The following COL3A1 variants were observed in gnomAD, a reference collection of about 807,000 sequenced individuals.
COL3A1 encodes collagen alpha-1(III) chain.
In COL3A1, 46 loss-of-function variants were observed where a neutral mutation model predicts 200.9. The ratio of observed to expected loss-of-function variants is 0.23; its 90% confidence interval spans 0.18 to 0.29. The LOEUF is 0.29. Among genes scored for constraint, COL3A1 ranks in the 10% least tolerant of loss-of-function variants. The pLI is 1.00. For missense variants in COL3A1, 1,367 were observed against 1,917.6 expected (o/e 0.71, Z 5.36); for synonymous variants, 650 against 628.0 (o/e 1.03, Z -0.52).
intron 10 of COL3A1, 138 bp downstream of exon 10, chr2:188,990,498 G>A (rs1688164744): frequency 1.2e-6 from 1 of 819,108 alleles, no homozygotes; most frequent in Admixed American, 2.2e-5. Flanking sequence ...AGTCTACTAA[G>A]TTTGTTTGTT....
intron 8 of COL3A1, among the ~76,000 whole-genome samples, chr2:188,989,778 G>T (rs1688147311): frequency 6.6e-6 from 1 of 152,196 alleles, no homozygotes; most frequent in African/African-American, 2.4e-5. Flanking sequence ...ACTATTTAAT[G>T]AACTTGAGAA....
chr2:189,008,931 C>T lies in COL3A1; in HGVS notation c.3533C>T (p.Pro1178Leu). The T allele has an allele frequency of 6.2e-7, 1 of 1,613,876 alleles. No individual in the cohort carries two copies. The highest frequency in any genetic ancestry group is 1.7e-5 in the Admixed American group (1 of 60,020). Residue 1178 changes from proline to leucine, a missense_variant, in exon 48 of 51, where the codon CCA becomes CTA. By Grantham distance (98) the Pro-to-Leu change is moderately conservative. Transcript: ENST00000304636. ...ATGTTTTACTCATTCTAGGGCTCCC[C>T]AGGCCACCCAGGGCAACCAGGCCCT... ...NRGERGSEGS[P>L]GHPGQPGPPG...
chr2:188,980,047 T>C (rs1249929026), intron 1 of COL3A1, among the ~76,000 whole-genome samples: 1 of 151,694 alleles, frequency 6.6e-6, no homozygotes, highest in African/African-American at 2.4e-5. Context: ...CTAGTTTTAC[T>C]AACGCTGGCA....
At chr2:189,008,858 G>A in intron 47 of COL3A1, 66 bp from the exon 48 acceptor site, 1 of 1,485,598 alleles carries the variant, frequency 6.7e-7, no homozygotes, top group Non-Finnish European at 9.4e-7. Flanking sequence ...TCTTGGACTA[G>A]CAATGTATTC....
chr2:188,995,534 C>T, intron 21 of COL3A1, 158 bp from the exon 22 acceptor site: 1 of 607,630 alleles, frequency 1.6e-6, no homozygotes, highest in South Asian at 2.2e-5. Context: ...ATATGGCAAT[C>T]CAAGCTAAGA....
chr2:188,994,356 G>C lies in COL3A1; in HGVS notation c.1293+24G>C. 6.2e-7 allele frequency: 1 copy of C among 1,612,584 alleles called. No homozygotes were observed. Among genetic ancestry groups the C allele is most frequent in the Non-Finnish European group, 8.5e-7 (1 of 1,179,202 alleles). On this transcript the variant is annotated intron_variant, in intron 18 of 50. Transcript: ENST00000304636. This position sits in a 1 kb window ranked among gnomAD's most constrained non-coding sequence, Gnocchi z 4.5. ...CAGTAAGTTGCCTTGTTTTTTCTCT[G>C]TTGACTGAAAGGTATAGTTTAATTC...
intron 37 of COL3A1, 127 bp from the exon 38 acceptor site, chr2:189,003,607 A>G (rs1174263314): frequency 2.0e-5 from 27 of 1,347,528 alleles, no homozygotes; most frequent in Non-Finnish European, 2.6e-5. Flanking sequence ...TGTAAATTCC[A>G]AGGGGAAACA....
In COL3A1 at chr2:188,992,769, A is replaced by G. The variant is rs1458483102; in HGVS notation, c.997-118A>G. The stretch of plus-strand genomic sequence containing the variant: ...TCTACATAATATCCATAAAATATGA[A>G]TATCATTTTTATCTGCATAAATATC... On this transcript the variant is annotated intron_variant, in intron 14 of 50. Transcript: ENST00000304636. The G allele has an allele frequency of 4.8e-6, 4 of 831,156 alleles. No individual in the cohort carries two copies. The African/African-American group carries it at 6.8e-5, about 14-fold the overall frequency. 51.5% of individuals were successfully genotyped at this position (831,156 alleles called of 1,614,324 possible).
intron 5 of COL3A1, among the ~76,000 whole-genome samples, chr2:188,987,512 TTTTCTAG>T (rs927317509): frequency 4.6e-5 from 7 of 152,066 alleles, no homozygotes; most frequent in African/African-American, 1.7e-4. Context: ...TTGCTGAAGG[TTTTCTAG>T]TTTAATCTGT....
chr2:188,993,950 G>A (rs1446756936), intron 16 of COL3A1, 88 bp from the exon 17 acceptor site: 19 of 1,242,036 alleles, frequency 1.5e-5, no homozygotes, highest in Admixed American at 3.7e-5. Flanking sequence ...AACACTCATC[G>A]ATACATTTAT....
In COL3A1 at chr2:189,003,131, C is replaced by T. The variant is rs538587897; in HGVS notation, c.2553+69C>T. On this transcript the variant is annotated intron_variant, in intron 36 of 50. Coordinates refer to ENST00000304636, the MANE Select transcript of COL3A1 (RefSeq NM_000090.4). ...CTATCTATTGATTATCTGTCTATCT[C>T]TCCCTCTCTCTCTCCCTCTCCCCCC... The T allele has an allele frequency of 4.7e-5, 58 of 1,226,066 alleles. No homozygotes were observed. In the South Asian group the frequency reaches 6.3e-4, roughly 13 times the overall value. The allele number at this position is 1,226,066 out of a possible 1,614,324, so 75.9% of individuals were successfully genotyped here. A position where few individuals can be genotyped will look rare whatever the true frequency, so the allele number is the denominator to read the frequency against.
At chr2:188,984,622 A>C in intron 1 of COL3A1, 138 bp from the exon 2 acceptor site, 3 of 749,314 alleles carry the variant, frequency 4.0e-6, no homozygotes, top group Non-Finnish European at 6.9e-6. Context: ...GGGCAAGTAT[A>C]ATTTTCTAAT....
chr2:188,993,613 T>C (rs540406843), intron 16 of COL3A1, among the ~76,000 whole-genome samples, 154 bp downstream of exon 16: 91 of 152,310 alleles, frequency 6.0e-4, no homozygotes, highest in Middle Eastern at 3.4e-3. Flanking sequence ...AAAATGATCC[T>C]CCTGTGACAC....
intron 24 of COL3A1, 78 bp downstream of exon 24, chr2:188,996,574 CA>C: frequency 8.4e-7 from 1 of 1,191,812 alleles, no homozygotes; most frequent in Non-Finnish European, 1.2e-6. Context: ...AAGAAATGGT[CA>C]AAACTCAGTC....
rs397509370 is a variant in COL3A1 at position 188,994,595 on chromosome 2, G to T, written c.1347+1G>T. 6.2e-7 allele frequency: 1 copy of T among 1,614,028 alleles called. No individual in the cohort carries two copies. Among genetic ancestry groups the T allele is most frequent in the Non-Finnish European group, 8.5e-7 (1 of 1,179,996 alleles). ...AGAGCCCGGACCACGTGGTGAACGC[G>T]TAAGTTTTACTGCAACAGATCTGGT... On this transcript the variant is annotated splice_donor_variant, in intron 19 of 50. Coordinates refer to ENST00000304636, the MANE Select transcript of COL3A1 (RefSeq NM_000090.4). LOFTEE classifies it high-confidence loss of function. This position sits in a 1 kb window ranked among gnomAD's most constrained non-coding sequence, Gnocchi z 4.5.
intron 43 of COL3A1, 30 bp from the exon 44 acceptor site, chr2:189,006,907 T>C: frequency 6.2e-7 from 1 of 1,612,068 alleles, no homozygotes; most frequent in South Asian, 1.1e-5. Context: ...GTTCCGTGTA[T>C]GTCTTCTCAA....
chr2:188,997,845 G>A, intron 27 of COL3A1, 92 bp downstream of exon 27: 1 of 1,149,790 alleles, frequency 8.7e-7, no homozygotes, highest in Non-Finnish European at 1.3e-6. Flanking sequence ...AGCTTAACTT[G>A]TGATTCTGTC....
At chr2:188,981,570 A>AT (rs1014464170) in intron 1 of COL3A1, among the ~76,000 whole-genome samples, 12 of 151,562 alleles carry the variant, frequency 7.9e-5, no homozygotes, top group African/African-American at 1.7e-4. Flanking sequence ...AAATTAACTT[A>AT]TTTTTTTAAC....
chr2:188,986,419 A>G (rs1175113225), intron 4 of COL3A1, among the ~76,000 whole-genome samples: 4 of 152,106 alleles, frequency 2.6e-5, no homozygotes, highest in African/African-American at 9.6e-5. Flanking sequence ...CAATTCAACA[A>G]GAACCAAAGT....
Sources: gnomAD v4.1 joint callset for allele counts (sites outside exome capture counted in the v4.1 genomes callset) on GRCh38, gnomAD v4.1.1 for gene constraint, Gnocchi (gnomAD v3.1) non-coding constraint, MANE v1.5 for transcripts, NCBI Gene and HGNC (gene_info 2026-07-23, HGNC 2026-07-21) for gene names.